KCNMA1: variants seen among roughly 807,000 people sequenced by gnomAD.
KCNMA1 encodes the protein potassium calcium-activated channel subfamily M alpha 1.
In KCNMA1, 29 loss-of-function variants were observed where a neutral mutation model predicts 140.0. The ratio of observed to expected loss-of-function variants is 0.21; its 90% confidence interval spans 0.15 to 0.28. The LOEUF (loss-of-function observed/expected upper bound fraction) is 0.28, where lower values mean the gene tolerates loss of function less well. KCNMA1 is among the 10% of genes least tolerant of loss of function. The pLI, the probability that KCNMA1 is intolerant of heterozygous loss-of-function variation, is 1.00. For missense variants in KCNMA1, 880 were observed against 1,602.2 expected, an observed-to-expected ratio of 0.55 and a Z score of 7.70; for synonymous variants, 612 against 611.9, an observed-to-expected ratio of 1.00 and a Z score of 0.00.
intron 23 of KCNMA1, among the ~76,000 whole-genome samples, chr10:76,920,474 T>C (rs78897576): frequency 0.018 from 2,743 of 152,084 alleles, 85 homozygotes; most frequent in African/African-American, 0.063. Flanking sequence ...GATCTCAGAG[T>C]GGAACCCAGA....
At position 77,223,894 on chromosome 10, in the gene KCNMA1, C is replaced by G. The variant is rs138003100; in HGVS notation, c.602+27301G>C. ...GCTAAGTATATGGAAGCCTTCATGA[C>G]TTAAAATATCCAACTGCCACGAGAG... On this transcript the variant is annotated intron_variant, in intron 3 of 27. Coordinates refer to ENST00000286628, the MANE Select transcript of KCNMA1 (RefSeq NM_001161352.2). 1.3e-3 allele frequency among the ~76,000 whole-genome samples: 204 copies of G among 152,262 alleles called. 1 individual carries two copies. Among genetic ancestry groups the G allele is most frequent in the African/African-American group, 4.7e-3 (195 of 41,560 alleles).
intron 2 of KCNMA1, among the ~76,000 whole-genome samples, chr10:77,397,587 C>T (rs1435513916): frequency 1.3e-5 from 2 of 152,164 alleles, no homozygotes; most frequent in African/African-American, 4.8e-5. Context: ...TTCCAGTCAA[C>T]TGTTTTCTCT....
intron 5 of KCNMA1, among the ~76,000 whole-genome samples, chr10:77,144,025 T>C (rs978227700): frequency 6.6e-6 from 1 of 152,160 alleles, no homozygotes; most frequent in Admixed American, 6.5e-5. Context: ...TTTCTTGTAA[T>C]GTTAAACATG....
chr10:76,987,620 G>A (rs2153276508), intron 19 of KCNMA1, among the ~76,000 whole-genome samples: 1 of 152,336 alleles, frequency 6.6e-6, no homozygotes, highest in South Asian at 2.1e-4. Context: ...ACAGTGTGCT[G>A]ACCCCTGCTC....
chr10:77,471,663 T>TAC (rs1274989409), intron 1 of KCNMA1, among the ~76,000 whole-genome samples: 4 of 143,904 alleles, frequency 2.8e-5, no homozygotes, highest in Non-Finnish European at 6.1e-5. Flanking sequence ...CATCACACAC[T>TAC]ACACACACAC....
chr10:77,183,924 A>G (rs917572749), intron 4 of KCNMA1, among the ~76,000 whole-genome samples: 1 of 152,204 alleles, frequency 6.6e-6, no homozygotes, highest in Non-Finnish European at 1.5e-5. Context: ...ACTATATGCT[A>G]TGCTAGTCTT....
intron 1 of KCNMA1, among the ~76,000 whole-genome samples, chr10:77,470,710 C>T (rs762774442): frequency 3.9e-5 from 6 of 152,180 alleles, no homozygotes; most frequent in Non-Finnish European, 7.3e-5. Flanking sequence ...GTGCAGGCTC[C>T]GCCATCTTAC....
chr10:76,970,110 G>GCCCT, intron 19 of KCNMA1, 43 bp from the exon 20 acceptor site: 2 of 1,471,078 alleles, frequency 1.4e-6, no homozygotes, highest in Non-Finnish European at 1.9e-6. Flanking sequence ...CAGTTTGAGG[G>GCCCT]CAGACTGTGC....
intron 3 of KCNMA1, among the ~76,000 whole-genome samples, chr10:77,186,370 A>T (rs990750770): frequency 7.1e-6 from 1 of 141,508 alleles, no homozygotes; most frequent in Non-Finnish European, 1.6e-5. Flanking sequence ...TCAAAAAAAA[A>T]CAAAAAACAA....
At chr10:77,234,495 T>C (rs1376614571) in intron 3 of KCNMA1, among the ~76,000 whole-genome samples, 1 of 152,214 alleles carries the variant, frequency 6.6e-6, no homozygotes, top group Non-Finnish European at 1.5e-5. Flanking sequence ...TTGAGTTAAT[T>C]ACGGAATCAG....
Position 77,027,870 on chromosome 10 carries a change from C to T in KCNMA1, c.1881G>A (p.Lys627=), listed in dbSNP as rs776764472. The change falls in exon 16 of 28, where the codon AAG becomes AAA. Residue 627 remains lysine (K), a synonymous_variant. Coordinates refer to ENST00000286628, the MANE Select transcript of KCNMA1 (RefSeq NM_001161352.2). ...TVCELCFVKL[K]LLMIAIEYKS... is the part of the protein sequence containing the mutation. ...TGTACTCAATGGCTATCATTAGGAG[C>T]TTGAGCTTCACAAAACACAGCCTGC... 1 of 1,613,850 alleles carries T rather than the reference C, an allele frequency of 6.2e-7. No homozygotes were observed. Among genetic ancestry groups the T allele is most frequent in the South Asian group, 1.1e-5 (1 of 91,068 alleles).
chr10:76,882,750 C>A (rs750477726), downstream of KCNMA1, among the ~76,000 whole-genome samples: 21 of 152,206 alleles, frequency 1.4e-4, no homozygotes, highest in South Asian at 4.1e-4. Context: ...TCACTAATCC[C>A]TTTCGGATAA....
At chr10:77,228,630 C>G (rs1385977336) in intron 3 of KCNMA1, among the ~76,000 whole-genome samples, 1 of 152,218 alleles carries the variant, frequency 6.6e-6, no homozygotes, top group East Asian at 1.9e-4. Context: ...ACTTACATAA[C>G]AAATATCAAT....
chr10:77,523,985 G>C (rs1420449093), intron 1 of KCNMA1, among the ~76,000 whole-genome samples: 1 of 152,130 alleles, frequency 6.6e-6, no homozygotes, highest in African/African-American at 2.4e-5. Flanking sequence ...AAATGCTTGA[G>C]GAGATGAATA....
intron 9 of KCNMA1, among the ~76,000 whole-genome samples, chr10:77,097,118 C>G (rs2096953135): frequency 6.6e-6 from 1 of 152,134 alleles, no homozygotes; most frequent in South Asian, 2.1e-4. Context: ...GCAAGCTGGC[C>G]TTTCCTTTCC....
intron 23 of KCNMA1, 92 bp downstream of exon 23, chr10:76,944,681 G>C: frequency 1.6e-6 from 2 of 1,213,268 alleles, no homozygotes; most frequent in Non-Finnish European, 2.4e-6. Flanking sequence ...AGGCTGATGT[G>C]AGCCTCTTTG....
intron 1 of KCNMA1, among the ~76,000 whole-genome samples, chr10:77,507,155 C>T (rs772183742): frequency 6.6e-6 from 1 of 152,184 alleles, no homozygotes; most frequent in Admixed American, 6.5e-5. Context: ...AAAACAAATG[C>T]TTTGCAGCCT....
At chr10:77,046,937 T>C (rs915331861) in intron 14 of KCNMA1, among the ~76,000 whole-genome samples, 1 of 152,226 alleles carries the variant, frequency 6.6e-6, no homozygotes, top group African/African-American at 2.4e-5. Context: ...AGAATAGTGA[T>C]TTGCACCTTT....
intron 1 of KCNMA1, among the ~76,000 whole-genome samples, chr10:77,500,376 T>G (rs959353382): frequency 6.6e-6 from 1 of 151,982 alleles, no homozygotes; most frequent in Admixed American, 6.6e-5. Flanking sequence ...AAAAATCAAG[T>G]GAGGCTCACA....
Sources: gnomAD v4.1 joint callset for allele counts (sites outside exome capture counted in the v4.1 genomes callset) on GRCh38, gnomAD v4.1.1 for gene constraint, MANE v1.5 for transcripts, NCBI Gene and HGNC (gene_info 2026-07-23, HGNC 2026-07-21) for gene names.